SH2D3C: variants seen among roughly 807,000 people sequenced by gnomAD.
SH2D3C encodes SH2 domain-containing protein 3C.
In SH2D3C, 25 loss-of-function variants were observed where a neutral mutation model predicts 75.2. That is an observed-to-expected ratio of 0.33 (90% CI 0.24 to 0.46). The LOEUF (loss-of-function observed/expected upper bound fraction) is 0.46, where lower values mean the gene tolerates loss of function less well. Among genes scored for constraint, SH2D3C ranks in the 20% least tolerant of loss-of-function variants. SH2D3C has a pLI of 1.00. For missense variants in SH2D3C, 933 were observed against 1,165.3 expected, an observed-to-expected ratio of 0.80 and a Z score of 2.90; for synonymous variants, 450 against 473.7, an observed-to-expected ratio of 0.95 and a Z score of 0.65.
intron 2 of SH2D3C, among the ~76,000 whole-genome samples, chr9:127,763,356 CTT>C (rs1845573554): frequency 6.6e-6 from 1 of 152,124 alleles, no homozygotes; most frequent in Non-Finnish European, 1.5e-5. Context: ...AAAGTGTTGA[CTT>C]TGTCTAAATC....
rs772758735 is a variant in SH2D3C, at chr9:127,774,364, A to G, written c.141T>C (p.Pro47=). 7 of 1,613,758 alleles carry G rather than the reference A, an allele frequency of 4.3e-6. No individual in the cohort carries two copies. In the Admixed American group the frequency reaches 1.2e-4, roughly 27 times the overall value. The change falls in exon 2 of 12, where the codon CCT becomes CCC. Residue 47 remains proline, a synonymous_variant. Transcript: ENST00000314830. The surrounding 1 kb of genome is among the most constrained non-coding windows in gnomAD (Gnocchi z 4.3). Reference sequence around the variant, plus strand: ...CATCCTGCGTGGCTTCAAAGGTGTCAGGCTCCAAATGGGACTGCCTACTGA... The same window carrying G: ...CATCCTGCGTGGCTTCAAAGGTGTCGGGCTCCAAATGGGACTGCCTACTGA... ...ASISRQSHLE[P]DTFEATQDDM...
In SH2D3C at chr9:127,749,473, C is replaced by A. The variant is rs982557076; in HGVS notation, c.877G>T (p.Val293Leu). The change falls in exon 5 of 12, where the codon GTG becomes TTG. Residue 293 changes from valine to leucine, a missense_variant. Val to Leu is a conservative substitution (Grantham distance 32, BLOSUM62 1). Transcript: ENST00000314830. The surrounding 1 kb of genome is among the most constrained non-coding windows in gnomAD (Gnocchi z 5.9). The part of the protein sequence containing the change: ...YLFEQESFDH[V>L]PALVRYHVGS... ...ACATGATAGCGCACGAGGGCGGGCACGTGGTCAAAGCTCTCCTGCTCAAAC... is the reference window on the plus strand; with the variant it reads ...ACATGATAGCGCACGAGGGCGGGCAAGTGGTCAAAGCTCTCCTGCTCAAAC... The A allele has an allele frequency of 3.7e-6, 6 of 1,614,210 alleles. No homozygotes were observed. The highest frequency in any genetic ancestry group is 5.1e-6 in the Non-Finnish European group (6 of 1,180,030).
chr9:127,775,357 C>A (rs930486717), intron 1 of SH2D3C, among the ~76,000 whole-genome samples: 1 of 151,936 alleles, frequency 6.6e-6, no homozygotes, highest in African/African-American at 2.4e-5. Context: ...AGGCCTGGTG[C>A]CATGGCTTAT....
chr9:127,750,811 T>C (rs537724394), intron 4 of SH2D3C, among the ~76,000 whole-genome samples: 1 of 152,232 alleles, frequency 6.6e-6, no homozygotes, highest in Non-Finnish European at 1.5e-5. Context: ...CAAAGATTGG[T>C]ACTCACTAAG....
intron 3 of SH2D3C, among the ~76,000 whole-genome samples, chr9:127,753,359 G>C (rs527608616): frequency 1.3e-5 from 2 of 152,110 alleles, no homozygotes; most frequent in Non-Finnish European, 2.9e-5. Flanking sequence ...GGATGATTGG[G>C]ACATGCTCTG....
chr9:127,769,411 G>A (rs572374958), intron 2 of SH2D3C, among the ~76,000 whole-genome samples: 122 of 152,304 alleles, frequency 8.0e-4, no homozygotes, highest in African/African-American at 2.8e-3. Context: ...GGGAGGCTGA[G>A]GCGGGCAGAT....
In SH2D3C at chr9:127,738,936, C is replaced by T; in HGVS notation, c.2408-15G>A. 1.9e-6 allele frequency: 3 copies of T among 1,553,162 alleles called. No individual in the cohort carries two copies. The highest frequency in any genetic ancestry group is 2.4e-5 in the East Asian group (1 of 42,348). On this transcript the variant is annotated splice_polypyrimidine_tract_variant and intron_variant, in intron 11 of 11. Transcript: ENST00000314830. The surrounding 1 kb of genome is among the most constrained non-coding windows in gnomAD (Gnocchi z 5.0). ...GGCCTGGAACCCTGCAGTGTTGGGG[C>T]ATAGGGTCAGGGCAGAGGCTGGGGT...
intron 2 of SH2D3C, 64 bp from the exon 3 acceptor site, chr9:127,761,714 T>A: frequency 7.2e-7 from 1 of 1,389,778 alleles, no homozygotes; most frequent in Non-Finnish European, 1.0e-6. Context: ...GCCGGTCTCT[T>A]GCCTGCCTGC....
Position 127,739,821 on chromosome 9 carries a change from G to A in SH2D3C, c.2268C>T (p.Asp756=), listed in dbSNP as rs543836044. The change falls in exon 11 of 12, where the codon GAC becomes GAT. Residue 756 remains aspartate, a synonymous_variant. Transcript: ENST00000314830. This position sits in a 1 kb window ranked among gnomAD's most constrained non-coding sequence, Gnocchi z 4.3. The part of the protein sequence containing the change: ...VLPLITLLEC[D]SAPPEGPEPW... ...GCTCAGGGCCCTCTGGTGGGGCCGAGTCACACTCCAGCAGGGTGATGAGGG... is the reference window on the plus strand; with the variant it reads ...GCTCAGGGCCCTCTGGTGGGGCCGAATCACACTCCAGCAGGGTGATGAGGG... 6.3e-7 allele frequency: 1 copy of A among 1,587,168 alleles called. No homozygotes were observed. Among genetic ancestry groups the A allele is most frequent in the African/African-American group, 1.3e-5 (1 of 74,388 alleles).
intron 1 of SH2D3C, among the ~76,000 whole-genome samples, chr9:127,776,177 A>G (rs994227561): frequency 2.0e-5 from 3 of 152,224 alleles, no homozygotes; most frequent in African/African-American, 7.2e-5. Flanking sequence ...TGCATCTGCC[A>G]AATGTGCTGC....
intron 3 of SH2D3C, among the ~76,000 whole-genome samples, chr9:127,756,687 C>T (rs1845388370): frequency 6.8e-6 from 1 of 147,926 alleles, no homozygotes; most frequent in Non-Finnish European, 1.5e-5. Context: ...CTCTGTCACC[C>T]AGGCTGGAGT....
intron 3 of SH2D3C, among the ~76,000 whole-genome samples, chr9:127,760,391 CATA>C (rs1482277927): frequency 1.3e-5 from 2 of 152,028 alleles, no homozygotes; most frequent in Non-Finnish European, 1.5e-5. Flanking sequence ...AGTTCTTCCT[CATA>C]ATATCAGGTT....
chr9:127,777,377 G>A (rs1353176284), intron 1 of SH2D3C, among the ~76,000 whole-genome samples: 2 of 152,038 alleles, frequency 1.3e-5, no homozygotes, highest in African/African-American at 2.4e-5. Flanking sequence ...CACTGCTGTT[G>A]GGAATGTGAG....
In SH2D3C at chr9:127,739,818, C is replaced by T. The variant is rs758996672; in HGVS notation, c.2271G>A (p.Ser757=). Residue 757 remains serine (S), a synonymous_variant, in exon 11 of 12, where the codon TCG becomes TCA. Coordinates refer to ENST00000314830, the MANE Select transcript of SH2D3C (RefSeq NM_170600.3). This position sits in a 1 kb window ranked among gnomAD's most constrained non-coding sequence, Gnocchi z 4.3. ...AGGGCTCAGGGCCCTCTGGTGGGGC[C>T]GAGTCACACTCCAGCAGGGTGATGA... ...LPLITLLECD[S]APPEGPEPWG... The T allele has an allele frequency of 1.2e-5, 19 of 1,587,566 alleles. No individual in the cohort carries two copies. The highest frequency in any genetic ancestry group is 4.0e-5 in the African/African-American group (3 of 74,354).
At chr9:127,757,103 ATTTT>A (rs1169901282) in intron 3 of SH2D3C, among the ~76,000 whole-genome samples, 3 of 122,662 alleles carry the variant, frequency 2.4e-5, no homozygotes, top group South Asian at 5.2e-4. Context: ...TGCTTGGCTA[ATTTT>A]TTTTTTTTTT....
chr9:127,742,733 G>A, intron 8 of SH2D3C, 116 bp downstream of exon 8: 1 of 687,538 alleles, frequency 1.5e-6, no homozygotes, highest in East Asian at 2.8e-5. Context: ...TGGGAGGCGT[G>A]GCCAGAGCCC....
chr9:127,742,460 C>T (rs2131736451), intron 8 of SH2D3C, among the ~76,000 whole-genome samples: 1 of 152,286 alleles, frequency 6.6e-6, no homozygotes, highest in Admixed American at 6.5e-5. Flanking sequence ...TGGTGTCGAA[C>T]TCCTGACCTC....
intron 2 of SH2D3C, among the ~76,000 whole-genome samples, chr9:127,772,982 C>T (rs1438023155): frequency 6.6e-6 from 1 of 152,112 alleles, no homozygotes; most frequent in African/African-American, 2.4e-5. Context: ...TACAGGCACG[C>T]ACCACCACGC....
chr9:127,763,078 G>A (rs961133128), intron 2 of SH2D3C, among the ~76,000 whole-genome samples: 21 of 152,154 alleles, frequency 1.4e-4, no homozygotes, highest in Middle Eastern at 3.4e-3. Context: ...AACTTGTTCC[G>A]GCCACAGGGC....
Sources: gnomAD v4.1 joint callset for allele counts (sites outside exome capture counted in the v4.1 genomes callset) on GRCh38, gnomAD v4.1.1 for gene constraint, Gnocchi (gnomAD v3.1) non-coding constraint, MANE v1.5 for transcripts, NCBI Gene and HGNC (gene_info 2026-07-23, HGNC 2026-07-21) for gene names.